KHDRBS2: variants seen among roughly 807,000 people sequenced by gnomAD.
The protein encoded by KHDRBS2 is KH domain-containing, RNA-binding, signal transduction-associated protein 2.
Under a neutral mutation model 44.3 loss-of-function variants are expected in KHDRBS2, and 26 were observed. The ratio of observed to expected loss-of-function variants is 0.59; its 90% CI spans 0.43 to 0.81. KHDRBS2 has a LOEUF of 0.81. Ranked by LOEUF, KHDRBS2 falls within the 40% of genes least tolerant of loss-of-function variation. The pLI is 0.00. For missense variants in KHDRBS2, 476 were observed against 433.1 expected (o/e 1.10, Z -0.88); for synonymous variants, 194 against 151.1 (o/e 1.28, Z -2.08).
chr6:61,864,004 G>GT (rs1000795766), intron 6 of KHDRBS2, among the ~76,000 whole-genome samples: 5 of 151,948 alleles, frequency 3.3e-5, no homozygotes, highest in Admixed American at 6.6e-5. Flanking sequence ...AGATAGTTAG[G>GT]TTTTTTTGTT....
intron 3 of KHDRBS2, among the ~76,000 whole-genome samples, chr6:62,003,467 C>T (rs1317015247): frequency 3.3e-5 from 5 of 152,042 alleles, no homozygotes; most frequent in Admixed American, 1.3e-4. Flanking sequence ...GAAGAGTTAA[C>T]TATCCTAAAT....
At chr6:61,852,654 C>A (rs1193482205) in intron 6 of KHDRBS2, among the ~76,000 whole-genome samples, 4 of 151,578 alleles carry the variant, frequency 2.6e-5, no homozygotes, top group South Asian at 2.1e-4. Flanking sequence ...TGTTGACAGT[C>A]TTTTTTGTTA....
At chr6:62,101,350 T>C (rs1161263600) in intron 2 of KHDRBS2, among the ~76,000 whole-genome samples, 18 of 152,076 alleles carry the variant, frequency 1.2e-4, no homozygotes, top group Non-Finnish European at 1.6e-4. Flanking sequence ...ACAGATTATG[T>C]AGGGCTTTCT....
the KHDRBS2 span, among the ~76,000 whole-genome samples, chr6:61,643,912 A>G: frequency 6.6e-6 from 1 of 152,208 alleles, no homozygotes; most frequent in Non-Finnish European, 1.5e-5. Flanking sequence ...TGCTATTCCT[A>G]TCAAACTACC....
intron 1 of KHDRBS2, among the ~76,000 whole-genome samples, chr6:62,253,182 G>C (rs1164134374): frequency 6.6e-6 from 1 of 151,950 alleles, no homozygotes; most frequent in Non-Finnish European, 1.5e-5. Context: ...AAGCCAGTGA[G>C]TATCTTTTAT....
At chr6:62,232,350 C>G (rs1180241167) in intron 1 of KHDRBS2, among the ~76,000 whole-genome samples, 2 of 152,194 alleles carry the variant, frequency 1.3e-5, no homozygotes, top group South Asian at 4.1e-4. Context: ...GAAAATAAGT[C>G]TAATTGTCCT....
chr6:61,946,830 C>A (rs542968324), intron 4 of KHDRBS2, among the ~76,000 whole-genome samples: 1 of 152,156 alleles, frequency 6.6e-6, no homozygotes, highest in East Asian at 1.9e-4. Flanking sequence ...ATCCAGACCT[C>A]TCTCTTTCTT....
Position 62,171,263 on chromosome 6 carries a change from A to G in KHDRBS2, c.219+5922T>C, listed in dbSNP as rs540414914. The stretch of plus-strand genomic sequence containing the variant: ...CCAAGTAATCTGATAGAGCTGAAAA[A>G]TGGACTACAAAAATTTAATAATACA... On this transcript the variant is annotated intron_variant, in intron 2 of 8. Transcript: ENST00000281156. Among the ~76,000 whole-genome samples the G allele has an allele frequency of 5.3e-5, 8 of 152,246 alleles. No homozygotes were observed. The East Asian group carries it at 1.2e-3, about 22-fold the overall frequency.
At chr6:61,799,973 A>G (rs1322079) in intron 6 of KHDRBS2, among the ~76,000 whole-genome samples, 57,281 of 151,970 alleles carry the variant, frequency 0.38, 11,967 homozygotes, top group African/African-American at 0.57. Flanking sequence ...GTATTCATAT[A>G]TACACATTAT....
chr6:62,093,850 A>C (rs1349471730), intron 2 of KHDRBS2, among the ~76,000 whole-genome samples: 1 of 103,942 alleles, frequency 9.6e-6, no homozygotes, highest in Non-Finnish European at 2.0e-5. Context: ...ATAGTATTCC[A>C]TTGTTTTGTG....
At chr6:61,777,961 C>T (rs1465237117) in intron 6 of KHDRBS2, among the ~76,000 whole-genome samples, 1 of 151,966 alleles carries the variant, frequency 6.6e-6, no homozygotes, top group East Asian at 1.9e-4. Context: ...GGTATTAAGC[C>T]TAGTACCCAA....
chr6:61,596,839 A>T, the KHDRBS2 span, among the ~76,000 whole-genome samples: 7 of 152,050 alleles, frequency 4.6e-5, no homozygotes, highest in Admixed American at 1.3e-4. Flanking sequence ...TTTAGTAGAG[A>T]CGGAGTTTCC....
the KHDRBS2 span, among the ~76,000 whole-genome samples, chr6:61,637,753 G>A: frequency 6.6e-6 from 1 of 152,060 alleles, no homozygotes; most frequent in African/African-American, 2.4e-5. Context: ...GTATCTCATT[G>A]TGGTTTTGAT....
chr6:62,021,837 C>T (rs1782373519), intron 3 of KHDRBS2, among the ~76,000 whole-genome samples: 1 of 150,978 alleles, frequency 6.6e-6, no homozygotes, highest in Admixed American at 6.6e-5. Flanking sequence ...ACTTTAGAGA[C>T]TAATTAATTG....
the KHDRBS2 span, among the ~76,000 whole-genome samples, chr6:61,659,424 T>C: frequency 2.6e-5 from 4 of 151,784 alleles, no homozygotes. Flanking sequence ...TATGAACCAA[T>C]TTAGGGCTCA....
intron 6 of KHDRBS2, among the ~76,000 whole-genome samples, chr6:61,814,229 C>A (rs1345318020): frequency 6.6e-6 from 1 of 152,146 alleles, no homozygotes; most frequent in Non-Finnish European, 1.5e-5. Flanking sequence ...CTGCTGCTCT[C>A]TTCTATTTTA....
At chr6:61,766,088 C>T (rs780798357) in intron 6 of KHDRBS2, among the ~76,000 whole-genome samples, 1 of 149,216 alleles carries the variant, frequency 6.7e-6, no homozygotes, top group Admixed American at 6.8e-5. Flanking sequence ...TAAAATTCAG[C>T]AGTGAAGCCA....
At chr6:61,722,620 A>G (rs1208651761) in intron 7 of KHDRBS2, among the ~76,000 whole-genome samples, 2 of 152,136 alleles carry the variant, frequency 1.3e-5, no homozygotes, top group Non-Finnish European at 2.9e-5. Context: ...TCACAATTCA[A>G]AATCAGCATT....
chr6:61,770,482 A>C (rs1357245166), intron 6 of KHDRBS2, among the ~76,000 whole-genome samples: 1 of 152,212 alleles, frequency 6.6e-6, no homozygotes, highest in East Asian at 1.9e-4. Context: ...AATGCAGAGA[A>C]GTACTTAAAG....
Sources: allele counts gnomAD v4.1 joint callset (sites outside exome capture counted in the v4.1 genomes callset), GRCh38; gene constraint gnomAD v4.1.1; transcripts MANE v1.5; gene names NCBI Gene and HGNC (gene_info 2026-07-23, HGNC 2026-07-21).